APC: variants seen among roughly 807,000 people sequenced by gnomAD.
The protein encoded by APC is adenomatous polyposis coli protein.
Under a neutral mutation model 247.0 loss-of-function variants are expected in APC, and 72 were observed. The observed-to-expected ratio is 0.29, with a 90% confidence interval of 0.24 to 0.35. APC has a LOEUF of 0.35. Among genes scored for constraint, APC ranks in the 10% least tolerant of loss-of-function variants. APC has a pLI of 1.00. For synonymous variants in APC, 1,254 were observed against 1,162.5 expected, an observed-to-expected ratio of 1.08 and a Z score of -1.60; for missense variants, 3,400 against 3,360.7, an observed-to-expected ratio of 1.01 and a Z score of -0.29.
intron 7 of APC, among the ~76,000 whole-genome samples, chr5:112,795,237 A>G (rs956909752): frequency 3.3e-5 from 5 of 152,156 alleles, no homozygotes; most frequent in African/African-American, 1.2e-4. Context: ...CATATTGGCC[A>G]GGCTGGGCTT....
chr5:112,834,876 A>G (rs1368828607), intron 14 of APC, 75 bp from the exon 15 acceptor site: 9 of 1,294,656 alleles, frequency 7.0e-6, no homozygotes, highest in Non-Finnish European at 9.0e-6. Flanking sequence ...CTTTTATTCA[A>G]TATCAGTAAC....
In APC at chr5:112,764,423, G is replaced by C. The variant is rs1031536199; in HGVS notation, c.136-1903G>C. On this transcript the variant is annotated intron_variant, in intron 2 of 15. Transcript: ENST00000257430. ...AGCTGTAAGAGAGCTAATAGAGGTAGAATCACCAGAAATCCATAACTGGGA... is the reference window on the plus strand; with the variant it reads ...AGCTGTAAGAGAGCTAATAGAGGTACAATCACCAGAAATCCATAACTGGGA... Among the ~76,000 whole-genome samples, 11 of 152,330 alleles carry C rather than the reference G, an allele frequency of 7.2e-5. No individual in the cohort carries two copies. In the East Asian group the frequency reaches 2.1e-3, roughly 29 times the overall value.
Position 112,709,039 on chromosome 5 carries a change from A to G in APC, c.165+1157A>G, listed in dbSNP as rs935696362. Among the ~76,000 whole-genome samples the G allele has an allele frequency of 7.9e-5, 12 of 152,336 alleles. No individual in the cohort carries two copies. In the South Asian group the frequency reaches 1.4e-3, roughly 18 times the overall value. ...GTTGGATAACGTGTCAAGAGCCCCA[A>G]AATTGTAGAAGTGAGATTAAAAATA... is the stretch of plus-strand genomic sequence containing the variant. On this transcript the variant is annotated intron_variant, in intron 1 of 13. Coordinates refer to the APC transcript ENST00000507379.
chr5:112,832,200 G>A (rs993816362), intron 14 of APC, among the ~76,000 whole-genome samples: 8 of 152,086 alleles, frequency 5.3e-5, no homozygotes, highest in African/African-American at 1.9e-4. Context: ...CCCTTGACAT[G>A]TAGCCCCACA....
intron 8 of APC, chr5:112,810,350 T>A (rs1761865247): frequency 4.7e-6 from 1 of 214,130 alleles, no homozygotes; most frequent in Non-Finnish European, 9.6e-6. Flanking sequence ...GTTGAGGAAA[T>A]TTTGTCTGTT....
chr5:112,752,848 G>A (rs1485876925), intron 1 of APC, among the ~76,000 whole-genome samples: 1 of 151,998 alleles, frequency 6.6e-6, no homozygotes, highest in African/African-American at 2.4e-5. Context: ...TTTAATGATT[G>A]GGAATCTGGA....
chr5:112,810,357 T>C (rs990818316), intron 8 of APC: 2 of 215,498 alleles, frequency 9.3e-6, no homozygotes, highest in Admixed American at 5.5e-5. Context: ...AAATTTTGTC[T>C]GTTGGCTATT....
At chr5:112,733,730 G>A (rs1392928915), upstream of APC, among the ~76,000 whole-genome samples, 1 of 152,128 alleles carries the variant, frequency 6.6e-6, no homozygotes, top group African/African-American at 2.4e-5. Flanking sequence ...AATTTGTTTT[G>A]GCAGCCATAG....
chr5:112,710,699 T>C (rs570714922), intron 1 of APC, among the ~76,000 whole-genome samples: 15 of 152,364 alleles, frequency 9.8e-5, no homozygotes, highest in African/African-American at 3.1e-4. Context: ...GAAGCTGTTA[T>C]AGTAGGAAGA....
intron 1 of APC, among the ~76,000 whole-genome samples, chr5:112,723,943 T>C (rs927296146): frequency 2.0e-5 from 3 of 152,070 alleles, no homozygotes; most frequent in African/African-American, 7.2e-5. Context: ...GTTTAATGAT[T>C]AGAAATGAGA....
At position 112,793,980 on chromosome 5, in the gene APC, G is replaced by T. The variant is rs375081854; in HGVS notation, c.729+1451G>T. 4.6e-5 allele frequency among the ~76,000 whole-genome samples: 7 copies of T among 152,046 alleles called. No homozygotes were observed. The East Asian group carries it at 5.8e-4, about 13-fold the overall frequency. On this transcript the variant is annotated intron_variant, in intron 7 of 15. Coordinates refer to ENST00000257430, the MANE Select transcript of APC (RefSeq NM_000038.6). ...TTGTAAATAACAGCACTGGAAACTGGGAAGTAGGGTAGGCATTTCTTAAAA... is the reference window on the plus strand; with the variant it reads ...TTGTAAATAACAGCACTGGAAACTGTGAAGTAGGGTAGGCATTTCTTAAAA...
intron 1 of APC, among the ~76,000 whole-genome samples, chr5:112,732,663 A>G (rs1318104908): frequency 6.6e-6 from 1 of 152,218 alleles, no homozygotes; most frequent in East Asian, 1.9e-4. Flanking sequence ...GAGATATGAG[A>G]CAAAATCAGG....
In APC at chr5:112,775,605, C is replaced by CT. The variant is rs35031194; in HGVS notation, c.423-17dup. The CT allele has an allele frequency of 0.011, 15,306 of 1,456,758 alleles. 46 individuals carry two copies. The highest frequency in any genetic ancestry group is 0.01 in the Non-Finnish European group (10,918 of 1,047,098). 90.2% of individuals were successfully genotyped at this position (1,456,758 alleles called of 1,614,324 possible). ...CTTTATTAGCATTGTTTAAACGTAC[C>CT]TTTTTTTAAAAAAAAAAAAATAGGT... is the stretch of plus-strand genomic sequence containing the variant. On this transcript the variant is annotated intron_variant, in intron 4 of 15. Transcript: ENST00000257430.
chr5:112,742,240 C>G (rs1036822906), intron 1 of APC, among the ~76,000 whole-genome samples: 1 of 152,218 alleles, frequency 6.6e-6, no homozygotes, highest in Non-Finnish European at 1.5e-5. Context: ...TAACTCTGCT[C>G]TATAGTATTC....
rs1316325747 is a variant in APC, at chr5:112,740,531, T to C, written c.-19+2606T>C. On this transcript the variant is annotated intron_variant, in intron 1 of 15. Transcript: ENST00000257430. ...TTTTTTGTGTTTTTTTTTCTTTTTT[T>C]TTTTTTTTTTTTGAGACAGGGTCTC... Among the ~76,000 whole-genome samples, 10 of 144,856 alleles carry C rather than the reference T, an allele frequency of 6.9e-5. No individual in the cohort carries two copies. In the East Asian group the frequency reaches 1.4e-3, roughly 20 times the overall value.
chr5:112,757,335 A>C lies in APC; in HGVS notation c.135+2310A>C, dbSNP rs190208209. Among the ~76,000 whole-genome samples, 644 of 152,280 alleles carry C rather than the reference A, an allele frequency of 4.2e-3. 3 individuals are homozygous for C. The highest frequency in any genetic ancestry group is 0.015 in the African/African-American group (614 of 41,554). ...GCACTTCCTACTGTGGATTAAAATT[A>C]ATCCACACAATGGTTATTTCTCCCA... On this transcript the variant is annotated intron_variant, in intron 2 of 15. Coordinates refer to ENST00000257430, the MANE Select transcript of APC (RefSeq NM_000038.6).
At chr5:112,818,033 A>T (rs2149774002) in intron 9 of APC, among the ~76,000 whole-genome samples, 1 of 152,352 alleles carries the variant, frequency 6.6e-6, no homozygotes, top group South Asian at 2.1e-4. Flanking sequence ...TCTAGAATGT[A>T]TAGTAACGTC....
intron 1 of APC, among the ~76,000 whole-genome samples, chr5:112,727,950 A>T (rs189031018): frequency 0.016 from 1,664 of 106,862 alleles, 24 homozygotes; most frequent in Non-Finnish European, 0.02. Flanking sequence ...CATTTAACTT[A>T]AAAAAAAAAA....
At chr5:112,744,033 A>T (rs773956082) in intron 1 of APC, among the ~76,000 whole-genome samples, 12 of 151,876 alleles carry the variant, frequency 7.9e-5, no homozygotes, top group Non-Finnish European at 1.5e-4. Flanking sequence ...ATAAGGAGAG[A>T]GTCTCACTAT....
Sources: allele counts gnomAD v4.1 joint callset (sites outside exome capture counted in the v4.1 genomes callset), GRCh38; gene constraint gnomAD v4.1.1; transcripts MANE v1.5; gene names NCBI Gene and HGNC (gene_info 2026-07-23, HGNC 2026-07-21).